The following FLRT2 variants were observed in gnomAD, a reference collection of about 807,000 sequenced individuals.
The protein encoded by FLRT2 is fibronectin leucine rich transmembrane protein 2.
In FLRT2, 15 loss-of-function variants were observed where a neutral mutation model predicts 40.0. The observed-to-expected ratio is 0.38, with a 90% CI of 0.25 to 0.58. The LOEUF (loss-of-function observed/expected upper bound fraction) is 0.58. Among genes scored for constraint, FLRT2 ranks in the 20% least tolerant of loss-of-function variants. The pLI, the probability that FLRT2 is intolerant of heterozygous loss-of-function variation, is 0.71. For synonymous variants in FLRT2, 380 were observed against 336.8 expected, an observed-to-expected ratio of 1.13 and a Z score of -1.41; for missense variants, 726 against 840.0, an observed-to-expected ratio of 0.86 and a Z score of 1.68.
intron 1 of FLRT2, among the ~76,000 whole-genome samples, chr14:85,547,133 T>C (rs1889320589): frequency 6.6e-6 from 1 of 152,110 alleles, no homozygotes; most frequent in Non-Finnish European, 1.5e-5. Context: ...TCTCCATTGT[T>C]TAGAGGATCA....
intron 1 of FLRT2, among the ~76,000 whole-genome samples, chr14:85,587,395 G>A (rs1891671611): frequency 6.6e-6 from 1 of 151,800 alleles, no homozygotes; most frequent in African/African-American, 2.4e-5. Flanking sequence ...CTACGCAAAA[G>A]CTACTTCAGC....
intron 1 of FLRT2, among the ~76,000 whole-genome samples, chr14:85,535,902 T>TG (rs1888619658): frequency 2.7e-5 from 2 of 74,188 alleles, no homozygotes; most frequent in African/African-American, 6.5e-5. Context: ...GTTTTTTTTT[T>TG]TTTTTTTTTT....
Position 85,638,850 on chromosome 14 carries a change from CTCTTA to C in FLRT2, c.*15355_*15359del, listed in dbSNP as rs142852215. Reference sequence around the variant, plus strand: ...CAACCAGTACTGAACTTTTCCCCTTCTCTTATGATTGTCAAATAACCTTGTTATAT... The same window carrying C: ...CAACCAGTACTGAACTTTTCCCCTTCTGATTGTCAAATAACCTTGTTATAT... On this transcript the variant is annotated 3_prime_UTR_variant, in exon 2 of 2. Transcript: ENST00000330753. The C allele has an allele frequency of 1.2e-4, 19 of 152,288 alleles. No individual in the cohort carries two copies. In the East Asian group the frequency reaches 3.5e-3, roughly 28 times the overall value. 9.4% of individuals were successfully genotyped at this position (152,288 alleles called of 1,614,324 possible).
In FLRT2 at chr14:85,625,266, T is replaced by C. The variant is rs1477505723; in HGVS notation, c.*1769T>C. The C allele has an allele frequency of 1.2e-5, 2 of 167,086 alleles. No individual in the cohort carries two copies. The highest frequency in any genetic ancestry group is 4.8e-5 in the African/African-American group (2 of 41,470). 10.4% of individuals were successfully genotyped at this position (167,086 alleles called of 1,614,324 possible). Reference sequence around the variant, plus strand: ...TTTCTTTTACCATTGACCATTATTATAGGGACCCATGAAGTAAATGTCACA... The same window carrying C: ...TTTCTTTTACCATTGACCATTATTACAGGGACCCATGAAGTAAATGTCACA... On this transcript the variant is annotated 3_prime_UTR_variant, in exon 2 of 2. Coordinates refer to ENST00000330753, the MANE Select transcript of FLRT2 (RefSeq NM_013231.6).
intron 1 of FLRT2, among the ~76,000 whole-genome samples, chr14:85,580,693 A>G (rs1232314535): frequency 6.6e-6 from 1 of 152,180 alleles, no homozygotes; most frequent in Admixed American, 6.5e-5. Context: ...ATCAGAAAAC[A>G]GTCAGCAGAA....
chr14:85,557,746 G>A (rs1392266986), intron 1 of FLRT2, among the ~76,000 whole-genome samples: 1 of 152,138 alleles, frequency 6.6e-6, no homozygotes, highest in Admixed American at 6.5e-5. Flanking sequence ...GAAGCCAGGA[G>A]GTAGAGGTTG....
chr14:85,642,292 G>T lies in FLRT2; in HGVS notation c.*18795G>T, dbSNP rs1243461833. ...ATCAGAAACCCAGAGCATTATAATGGGAATGTTAGGTAGGTTTAAATTATT... is the reference window on the plus strand; with the variant it reads ...ATCAGAAACCCAGAGCATTATAATGTGAATGTTAGGTAGGTTTAAATTATT... On this transcript the variant is annotated 3_prime_UTR_variant, in exon 2 of 2. Transcript: ENST00000330753. The T allele has an allele frequency of 6.6e-6, 1 of 152,074 alleles. No individual in the cohort carries two copies. Among genetic ancestry groups the T allele is most frequent in the Non-Finnish European group, 1.5e-5 (1 of 68,020 alleles). 9.4% of individuals were successfully genotyped at this position (152,074 alleles called of 1,614,324 possible).
In FLRT2 at chr14:85,627,535, CA is replaced by C. The variant is rs1289717827; in HGVS notation, c.*4040del. ...AGAAGAGCACAAAGCAAGGCCATTG[CA>C]ACAGGCATTTAAAAATTATTATCAA... On this transcript the variant is annotated 3_prime_UTR_variant, in exon 2 of 2. Coordinates refer to ENST00000330753, the MANE Select transcript of FLRT2 (RefSeq NM_013231.6). 6.0e-6 allele frequency: 1 copy of C among 166,860 alleles called. No homozygotes were observed. Among genetic ancestry groups the C allele is most frequent in the Non-Finnish European group, 1.5e-5 (1 of 68,108 alleles). 10.3% of individuals were successfully genotyped at this position (166,860 alleles called of 1,614,324 possible).
chr14:85,531,219 TC>T (rs1888252041), intron 1 of FLRT2: 1 of 152,226 alleles, frequency 6.6e-6, no homozygotes, highest in Admixed American at 6.5e-5. Flanking sequence ...GGAATCCGGA[TC>T]GAGTGAGTTC....
rs142310330 is a variant in FLRT2, at chr14:85,557,286, A to G, written c.-377+26752A>G. Among the ~76,000 whole-genome samples, 3 of 151,680 alleles carry G rather than the reference A, an allele frequency of 2.0e-5. No homozygotes were observed. The East Asian group carries it at 5.8e-4, about 29-fold the overall frequency. Reference sequence around the variant, plus strand: ...TTTCTGAAGCTTTTTTTAATTAGCCAGCTACCTTACTAGTTTGCAAATGCC... The same window carrying G: ...TTTCTGAAGCTTTTTTTAATTAGCCGGCTACCTTACTAGTTTGCAAATGCC... On this transcript the variant is annotated intron_variant, in intron 1 of 1. Transcript: ENST00000330753.
intron 1 of FLRT2, among the ~76,000 whole-genome samples, chr14:85,590,368 G>GT (rs1169945022): frequency 6.6e-6 from 1 of 152,022 alleles, no homozygotes; most frequent in Non-Finnish European, 1.5e-5. Flanking sequence ...TGTCCCTTCT[G>GT]TTTTTTCATC....
At chr14:85,530,563 T>A (rs1888207628) in intron 1 of FLRT2, 29 bp downstream of exon 1, 1 of 152,418 alleles carries the variant, frequency 6.6e-6, no homozygotes, top group Non-Finnish European at 1.5e-5. Context: ...CCAGGTGAAG[T>A]TTCCAGTAAC....
At chr14:85,585,685 T>G (rs1268081811) in intron 1 of FLRT2, among the ~76,000 whole-genome samples, 1 of 152,078 alleles carries the variant, frequency 6.6e-6, no homozygotes, top group Non-Finnish European at 1.5e-5. Flanking sequence ...AATAAATGAT[T>G]TTTTTTGAGA....
chr14:85,541,502 C>T (rs755503484), intron 1 of FLRT2, among the ~76,000 whole-genome samples: 7 of 152,166 alleles, frequency 4.6e-5, no homozygotes, highest in Non-Finnish European at 1.0e-4. Flanking sequence ...TGGAGATGGA[C>T]AGTCTTACTC....
At chr14:85,539,369 G>A (rs954344569) in intron 1 of FLRT2, among the ~76,000 whole-genome samples, 2 of 42,086 alleles carry the variant, frequency 4.8e-5, no homozygotes, top group Non-Finnish European at 1.2e-4. Context: ...GTTTGTTTTC[G>A]TTGGAACAGT....
chr14:85,608,634 G>A (rs748895484), intron 1 of FLRT2, among the ~76,000 whole-genome samples: 6 of 152,178 alleles, frequency 3.9e-5, no homozygotes, highest in Non-Finnish European at 7.3e-5. Flanking sequence ...AGCAATATTC[G>A]TGAGTTAAGT....
rs1436720859 is a variant in FLRT2, at chr14:85,645,542, G to C, written c.*22045G>C. 1.3e-5 allele frequency: 2 copies of C among 152,198 alleles called. No individual in the cohort carries two copies. The highest frequency in any genetic ancestry group is 3.9e-4 in the East Asian group (2 of 5,164). The allele number at this position is 152,198 out of a possible 1,614,324, so 9.4% of individuals were successfully genotyped here. ...TGCTTGGAAACAAAGGTTTCACTAA[G>C]CATGGATACAATTTGGATCATTGGT... On this transcript the variant is annotated 3_prime_UTR_variant, in exon 2 of 2. Coordinates refer to ENST00000330753, the MANE Select transcript of FLRT2 (RefSeq NM_013231.6).
intron 1 of FLRT2, among the ~76,000 whole-genome samples, chr14:85,535,543 A>C (rs1441019560): frequency 6.6e-6 from 1 of 152,202 alleles, no homozygotes; most frequent in Non-Finnish European, 1.5e-5. Context: ...GCCACCAGCC[A>C]CCATATTAGC....
chr14:85,623,638 G>A lies in FLRT2; in HGVS notation c.*141G>A, dbSNP rs981511101. 9.7e-6 allele frequency: 6 copies of A among 615,546 alleles called. No individual in the cohort carries two copies. The highest frequency in any genetic ancestry group is 1.6e-5 in the Non-Finnish European group (6 of 386,170). The allele number at this position is 615,546 out of a possible 1,614,324, so 38.1% of individuals were successfully genotyped here. A position where few individuals can be genotyped will look rare whatever the true frequency, so the allele number is the denominator to read the frequency against. ...CATTTGAATACTCTGTAATTTATACGGTGTACTATATAATGGGATTTAAAA... is the reference window on the plus strand; with the variant it reads ...CATTTGAATACTCTGTAATTTATACAGTGTACTATATAATGGGATTTAAAA... On this transcript the variant is annotated 3_prime_UTR_variant, in exon 2 of 2. Coordinates refer to ENST00000330753, the MANE Select transcript of FLRT2 (RefSeq NM_013231.6).
Sources: gnomAD v4.1 joint callset for allele counts (sites outside exome capture counted in the v4.1 genomes callset) on GRCh38, gnomAD v4.1.1 for gene constraint, MANE v1.5 for transcripts, NCBI Gene and HGNC (gene_info 2026-07-23, HGNC 2026-07-21) for gene names.